Variants in SLC44A1 observed in about 807,000 individuals in gnomAD.
The protein encoded by SLC44A1 is choline transporter-like protein 1.
In SLC44A1, 26 loss-of-function variants were observed where a neutral mutation model predicts 79.3. That is an observed-to-expected ratio of 0.33 (90% confidence interval 0.24 to 0.46). The LOEUF is 0.46. Among genes scored for constraint, SLC44A1 ranks in the 20% least tolerant of loss-of-function variants. The pLI, the probability that SLC44A1 is intolerant of heterozygous loss-of-function variation, is 1.00. For synonymous variants in SLC44A1, 263 were observed against 286.2 expected, an observed-to-expected ratio of 0.92 and a Z score of 0.82; for missense variants, 688 against 798.1, an observed-to-expected ratio of 0.86 and a Z score of 1.66.
chr9:105,266,097 A>T (rs1350774032), intron 1 of SLC44A1, among the ~76,000 whole-genome samples: 1 of 152,140 alleles, frequency 6.6e-6, no homozygotes, highest in Non-Finnish European at 1.5e-5. Context: ...AGCTAGGCCT[A>T]TAGGTGTGTG....
chr9:105,323,418 C>T (rs932380325), intron 3 of SLC44A1, among the ~76,000 whole-genome samples: 1 of 152,004 alleles, frequency 6.6e-6, no homozygotes, highest in Non-Finnish European at 1.5e-5. Context: ...GGACAGGTTA[C>T]ACTGTTGAAA....
rs1828789569 is a variant in SLC44A1, at chr9:105,392,541, A to AG, written c.*3490dup. The AG allele has an allele frequency of 2.0e-6, 2 of 984,044 alleles. No homozygotes were observed. The highest frequency in any genetic ancestry group is 1.8e-5 in the African/African-American group (1 of 56,866). 61.0% of individuals were successfully genotyped at this position (984,044 alleles called of 1,614,324 possible). ...GGCAGTTTTAGGATTTCACCCTAGTAGGGGGTATGAGGCACTGACCCCTTT... is the reference window on the plus strand; with the variant it reads ...GGCAGTTTTAGGATTTCACCCTAGTAGGGGGGTATGAGGCACTGACCCCTTT... On this transcript the variant is annotated 3_prime_UTR_variant, in exon 16 of 16. Transcript: ENST00000374720.
intron 7 of SLC44A1, among the ~76,000 whole-genome samples, chr9:105,359,706 T>A (rs534946178): frequency 4.4e-4 from 67 of 152,322 alleles, no homozygotes; most frequent in South Asian, 2.1e-3. Context: ...GAAACATATT[T>A]TCTTCCATTT....
chr9:105,433,172 T>C lies in SLC44A1; in HGVS notation c.1951-5109T>C, dbSNP rs181202671. On this transcript the variant is annotated intron_variant, in intron 15 of 15. Coordinates refer to the SLC44A1 transcript ENST00000374724. ...TTAGCCGGGTATGGTAGTGTGCGCCTGTAATCCCAGCTACTCGGGAGGCTG... is the reference window on the plus strand; with the variant it reads ...TTAGCCGGGTATGGTAGTGTGCGCCCGTAATCCCAGCTACTCGGGAGGCTG... 8.9e-4 allele frequency among the ~76,000 whole-genome samples: 136 copies of C among 152,136 alleles called. 3 individuals carry two copies. In the East Asian group the frequency reaches 0.023, roughly 26 times the overall value.
At chr9:105,388,292 GTATT>G (rs1460807451) in intron 15 of SLC44A1, among the ~76,000 whole-genome samples, 1 of 152,092 alleles carries the variant, frequency 6.6e-6, no homozygotes, top group African/African-American at 2.4e-5. Flanking sequence ...TTCTAAAAAA[GTATT>G]TCAGAAATTT....
At chr9:105,413,311 A>C (rs1043522705) in intron 15 of SLC44A1, among the ~76,000 whole-genome samples, 16 of 152,192 alleles carry the variant, frequency 1.1e-4, no homozygotes, top group African/African-American at 3.9e-4. Context: ...TACTTCCCTG[A>C]AGCTTGAAGT....
chr9:105,294,463 GT>G (rs1223109139), intron 1 of SLC44A1, among the ~76,000 whole-genome samples: 22 of 150,644 alleles, frequency 1.5e-4, no homozygotes, highest in African/African-American at 5.1e-4. Flanking sequence ...TTTTTTTTTC[GT>G]TTTCCTTTCA....
intron 3 of SLC44A1, among the ~76,000 whole-genome samples, chr9:105,310,899 G>T (rs1588764478): frequency 6.6e-6 from 1 of 152,184 alleles, no homozygotes; most frequent in African/African-American, 2.4e-5. Context: ...ATGAGTGTTT[G>T]TATGGCATCC....
At chr9:105,262,560 G>T (rs531713187) in intron 1 of SLC44A1, among the ~76,000 whole-genome samples, 1 of 152,172 alleles carries the variant, frequency 6.6e-6, no homozygotes, top group African/African-American at 2.4e-5. Flanking sequence ...TTCTTCTGTC[G>T]TTGTTGACTA....
chr9:105,336,118 ATGTGTGTGTGTGTGCATGTGTGTG>A (rs1034123145), intron 4 of SLC44A1, among the ~76,000 whole-genome samples: 5 of 147,438 alleles, frequency 3.4e-5, no homozygotes, highest in Non-Finnish European at 4.4e-5. Context: ...ATACATACAT[ATGTGTGTGTGTGTGCATGTGTGTG>A]TGTGTGTGTG....
chr9:105,288,102 A>G lies in SLC44A1; in HGVS notation c.37-11118A>G, dbSNP rs557881980. Among the ~76,000 whole-genome samples, 3 of 152,324 alleles carry G rather than the reference A, an allele frequency of 2.0e-5. No homozygotes were observed. In the East Asian group the frequency reaches 5.8e-4, roughly 29 times the overall value. ...TGCATCATCCCTTTCTAATGCTTAC[A>G]TATTTGCATATTCTCCTTTGCATAT... On this transcript the variant is annotated intron_variant, in intron 1 of 15. Transcript: ENST00000374720.
intron 12 of SLC44A1, among the ~76,000 whole-genome samples, chr9:105,370,888 G>A (rs540984554): frequency 6.6e-6 from 1 of 152,278 alleles, no homozygotes; most frequent in African/African-American, 2.4e-5. Flanking sequence ...CTTGATTCTA[G>A]ACATTATGAA....
At chr9:105,299,074 G>A (rs1172739661) in intron 1 of SLC44A1, 146 bp from the exon 2 acceptor site, 6 of 583,502 alleles carry the variant, frequency 1.0e-5, no homozygotes, top group Admixed American at 3.7e-5. Flanking sequence ...CACAGAAAAG[G>A]TGACAAATAT....
chr9:105,333,139 G>C (rs1826804098), intron 3 of SLC44A1, among the ~76,000 whole-genome samples: 1 of 152,200 alleles, frequency 6.6e-6, no homozygotes, highest in African/African-American at 2.4e-5. Context: ...GGATACTTTT[G>C]CCCTTGGAGG....
At chr9:105,333,021 C>A (rs1826799565) in intron 3 of SLC44A1, among the ~76,000 whole-genome samples, 1 of 152,184 alleles carries the variant, frequency 6.6e-6, no homozygotes, top group Non-Finnish European at 1.5e-5. Context: ...AACCAGAAAG[C>A]AAGTTCACAT....
chr9:105,421,972 C>T lies in SLC44A1; in HGVS notation c.1951-16309C>T, dbSNP rs577403143. On this transcript the variant is annotated intron_variant, in intron 15 of 15. Transcript: ENST00000374724. ...ACAGGCCTAACTTTTCCAGTAAGTT[C>T]GGACCTCTGGTAGAAGTGACTACAG... Among the ~76,000 whole-genome samples the T allele has an allele frequency of 3.9e-5, 6 of 152,264 alleles. No individual in the cohort carries two copies. In the East Asian group the frequency reaches 9.7e-4, roughly 25 times the overall value.
At chr9:105,379,159 C>G (rs1432345114) in intron 13 of SLC44A1, among the ~76,000 whole-genome samples, 1 of 152,094 alleles carries the variant, frequency 6.6e-6, no homozygotes, top group Non-Finnish European at 1.5e-5. Flanking sequence ...GTCTGTATTC[C>G]CAGCTACTCG....
chr9:105,420,485 T>A (rs1233830954), intron 15 of SLC44A1, among the ~76,000 whole-genome samples: 2 of 152,204 alleles, frequency 1.3e-5, no homozygotes, highest in East Asian at 1.9e-4. Context: ...CATCCCTTTT[T>A]AATATATCTC....
intron 8 of SLC44A1, among the ~76,000 whole-genome samples, chr9:105,362,091 T>A (rs1400318216): frequency 2.0e-5 from 3 of 152,110 alleles, no homozygotes; most frequent in African/African-American, 7.2e-5. Flanking sequence ...TGTGTGTGTG[T>A]GAGATTTGCT....
Sources: gnomAD v4.1 joint callset for allele counts (sites outside exome capture counted in the v4.1 genomes callset) on GRCh38, gnomAD v4.1.1 for gene constraint, MANE v1.5 for transcripts, NCBI Gene and HGNC (gene_info 2026-07-23, HGNC 2026-07-21) for gene names.